The following CXCL13 variants were observed in gnomAD, a reference collection of about 807,000 sequenced individuals.
The protein encoded by CXCL13 is C-X-C motif chemokine ligand 13, also known as C-X-C motif chemokine 13.
Under a neutral mutation model 12.2 loss-of-function variants are expected in CXCL13, and 7 were observed. The observed-to-expected ratio is 0.57, with a 90% CI of 0.33 to 1.07. The LOEUF is 1.07. CXCL13 is among the 50% of genes least tolerant of loss of function. The pLI, the probability that CXCL13 is intolerant of heterozygous loss-of-function variation, is 0.04. For missense variants in CXCL13, 113 were observed against 127.4 expected, an observed-to-expected ratio of 0.89 and a Z score of 0.55; for synonymous variants, 47 against 42.4, an observed-to-expected ratio of 1.11 and a Z score of -0.42.
Position 77,611,377 on chromosome 4 carries a change from C to A in CXCL13, c.*338C>A. The A allele has an allele frequency of 2.8e-6, 1 of 357,366 alleles. No homozygotes were observed. 22.1% of individuals were successfully genotyped at this position (357,366 alleles called of 1,614,324 possible). Reference sequence around the variant, plus strand: ...GAAAACAATGGAATGAGAATTTAAGCCTCAAATTTGAACATGTGGCTTGAA... The same window carrying A: ...GAAAACAATGGAATGAGAATTTAAGACTCAAATTTGAACATGTGGCTTGAA... On this transcript the variant is annotated 3_prime_UTR_variant, in exon 4 of 4. Coordinates refer to ENST00000682537, the MANE Select transcript of CXCL13 (RefSeq NM_001371558.1).
intron 1 of CXCL13, among the ~76,000 whole-genome samples, chr4:77,547,486 A>T (rs1203506566): frequency 6.6e-6 from 1 of 152,158 alleles, no homozygotes; most frequent in Non-Finnish European, 1.5e-5. Context: ...CCATTATGTA[A>T]TGACCTTCTT....
At chr4:77,530,358 C>T (rs968434090) in intron 1 of CXCL13, among the ~76,000 whole-genome samples, 1 of 152,194 alleles carries the variant, frequency 6.6e-6, no homozygotes, top group Non-Finnish European at 1.5e-5. Context: ...ATGGTACCAG[C>T]TCCTCCTTGT....
At chr4:77,530,842 C>T (rs1445456310) in intron 1 of CXCL13, among the ~76,000 whole-genome samples, 1 of 151,948 alleles carries the variant, frequency 6.6e-6, no homozygotes, top group Non-Finnish European at 1.5e-5. Context: ...GTTCTTGCTT[C>T]TCTAGTTCTT....
chr4:77,546,233 G>T (rs528070693), intron 1 of CXCL13, among the ~76,000 whole-genome samples: 1 of 152,218 alleles, frequency 6.6e-6, no homozygotes, highest in East Asian at 1.9e-4. Context: ...TCTCTGCCAG[G>T]CTTTGTTATC....
At chr4:77,576,174 GA>G (rs1291475208) in intron 1 of CXCL13, among the ~76,000 whole-genome samples, 1 of 152,048 alleles carries the variant, frequency 6.6e-6, no homozygotes, top group Admixed American at 6.5e-5. Context: ...GACTCATGAA[GA>G]GCTGAAATGT....
chr4:77,572,542 A>G (rs1726110969), intron 1 of CXCL13, among the ~76,000 whole-genome samples: 1 of 151,926 alleles, frequency 6.6e-6, no homozygotes, highest in Admixed American at 6.5e-5. Flanking sequence ...ATGAGATAGC[A>G]TCTCACACCA....
upstream of CXCL13, among the ~76,000 whole-genome samples, chr4:77,602,047 G>T (rs748797472): frequency 6.6e-6 from 1 of 152,220 alleles, no homozygotes; most frequent in Non-Finnish European, 1.5e-5. Flanking sequence ...TGGCATGAAA[G>T]AAAATGTTCT....
intron 1 of CXCL13, among the ~76,000 whole-genome samples, chr4:77,514,060 GT>G (rs1724345564): frequency 6.6e-6 from 1 of 151,860 alleles, no homozygotes; most frequent in Non-Finnish European, 1.5e-5. Context: ...GTGGTGTTTG[GT>G]TTTTTGTTCT....
intron 1 of CXCL13, among the ~76,000 whole-genome samples, chr4:77,540,671 T>G (rs1000416653): frequency 6.6e-6 from 1 of 152,208 alleles, no homozygotes; most frequent in African/African-American, 2.4e-5. Context: ...ATTCTGCCAC[T>G]GATGGACACC....
chr4:77,580,339 T>TTTTTTTTTTG (rs1726295769), intron 1 of CXCL13, among the ~76,000 whole-genome samples: 1 of 119,698 alleles, frequency 8.4e-6, no homozygotes, highest in Non-Finnish European at 1.7e-5. Context: ...TTTTTTTTTT[T>TTTTTTTTTTG]TTTTTTGAGA....
intron 1 of CXCL13, among the ~76,000 whole-genome samples, chr4:77,559,726 C>A (rs1407784416): frequency 1.3e-5 from 2 of 151,876 alleles, no homozygotes; most frequent in Admixed American, 1.3e-4. Context: ...ATCGAGACCA[C>A]CCTGGCTAAC....
At chr4:77,564,528 A>G (rs1469550968) in intron 1 of CXCL13, among the ~76,000 whole-genome samples, 1 of 152,198 alleles carries the variant, frequency 6.6e-6, no homozygotes, top group Non-Finnish European at 1.5e-5. Context: ...TTTACCAAAC[A>G]TTTACTCTGT....
chr4:77,578,759 C>T (rs1482533981), intron 1 of CXCL13, among the ~76,000 whole-genome samples: 1 of 152,142 alleles, frequency 6.6e-6, no homozygotes, highest in Non-Finnish European at 1.5e-5. Flanking sequence ...TGACAAGAAC[C>T]CAGTTTTAGC....
At chr4:77,554,103 C>G (rs1463488061) in intron 1 of CXCL13, among the ~76,000 whole-genome samples, 4 of 151,972 alleles carry the variant, frequency 2.6e-5, no homozygotes, top group African/African-American at 4.8e-5. Context: ...AGAAACCAAC[C>G]AGAACAGTTC....
intron 1 of CXCL13, among the ~76,000 whole-genome samples, chr4:77,553,888 G>A (rs1055658864): frequency 2.0e-4 from 30 of 152,024 alleles, no homozygotes; most frequent in Non-Finnish European, 4.4e-4. Context: ...TACAATGTAA[G>A]GACTATAGTT....
intron 1 of CXCL13, among the ~76,000 whole-genome samples, chr4:77,583,790 C>T (rs1197932403): frequency 2.0e-5 from 3 of 152,214 alleles, no homozygotes; most frequent in South Asian, 2.1e-4. Context: ...TTATAAGTGG[C>T]ACCTGTTAGC....
chr4:77,600,956 A>T (rs1033069352), upstream of CXCL13, among the ~76,000 whole-genome samples: 1 of 152,206 alleles, frequency 6.6e-6, no homozygotes, highest in Non-Finnish European at 1.5e-5. Flanking sequence ...AATGATTTGA[A>T]TGTTGAAATA....
At chr4:77,569,050 C>T (rs995126159) in intron 1 of CXCL13, among the ~76,000 whole-genome samples, 1 of 152,104 alleles carries the variant, frequency 6.6e-6, no homozygotes, top group Non-Finnish European at 1.5e-5. Flanking sequence ...CACTAAGGTG[C>T]CTTTTAAGCA....
upstream of CXCL13, among the ~76,000 whole-genome samples, chr4:77,604,533 C>A (rs1460978362): frequency 6.6e-6 from 1 of 151,246 alleles, no homozygotes; most frequent in Non-Finnish European, 1.5e-5. Context: ...AAAATTCAAC[C>A]CCTTATCACA....
Sources: gnomAD v4.1 joint callset for allele counts (sites outside exome capture counted in the v4.1 genomes callset) on GRCh38, gnomAD v4.1.1 for gene constraint, MANE v1.5 for transcripts, NCBI Gene and HGNC (gene_info 2026-07-23, HGNC 2026-07-21) for gene names.